The following DBN1 variants were observed in gnomAD, a reference collection of about 807,000 sequenced individuals.
DBN1 encodes the protein drebrin.
A neutral mutation model predicts 83.5 loss-of-function variants in DBN1; 21 were observed. The observed-to-expected ratio is 0.25, with a 90% CI of 0.18 to 0.36. The LOEUF (loss-of-function observed/expected upper bound fraction) is 0.36. Among genes scored for constraint, DBN1 ranks in the 10% least tolerant of loss-of-function variants. The pLI, the probability that DBN1 is intolerant of heterozygous loss-of-function variation, is 1.00. For missense variants in DBN1, 874 were observed against 935.7 expected (o/e 0.93, Z 0.86); for synonymous variants, 381 against 384.9 (o/e 0.99, Z 0.12).
chr5:177,467,509 A>T lies in DBN1; in HGVS notation c.449T>A (p.Leu150Gln). The T allele has an allele frequency of 6.3e-7, 1 of 1,576,496 alleles. No homozygotes were observed. Among genetic ancestry groups the T allele is most frequent in the South Asian group, 1.1e-5 (1 of 88,080 alleles). Residue 150 changes from leucine to glutamine, a missense_variant, in exon 5 of 15, where the codon CTG becomes CAG. Around this residue, in one of 4 missense-constraint regions of DBN1, gnomAD observed 65 missense variants for 97.3 expected, o/e 0.67. Coordinates refer to ENST00000393565, the MANE Select transcript of DBN1 (RefSeq NM_001363541.2). This position sits in a 1 kb window ranked among gnomAD's most constrained non-coding sequence, Gnocchi z 9.1. ...LSSPVLHRLR[L>Q]REDENAEPVG... is the part of the protein sequence containing the mutation. ...GGGCTCTGCGTTCTCATCCTCTCGC[A>T]GCCGCAGTCGGTGCAGCACAGGGCT...
At chr5:177,465,742 C>T (rs1757400745) in intron 8 of DBN1, among the ~76,000 whole-genome samples, 1 of 151,658 alleles carries the variant, frequency 6.6e-6, no homozygotes, top group Non-Finnish European at 1.5e-5. Context: ...GTAATCCCAG[C>T]TACTCAGGAG....
chr5:177,472,079 C>T, intron 1 of DBN1: 1 of 1,587,196 alleles, frequency 6.3e-7, no homozygotes, highest in South Asian at 1.1e-5. Flanking sequence ...GGGTGGGCCG[C>T]CTGCCTGCTG....
At chr5:177,461,731 C>A (rs529972279) in intron 8 of DBN1, among the ~76,000 whole-genome samples, 17 of 152,280 alleles carry the variant, frequency 1.1e-4, no homozygotes, top group Admixed American at 5.9e-4. Flanking sequence ...CTCACTGCTA[C>A]CTGCCTTATT....
chr5:177,462,201 TGCCG>T (rs1757099195), intron 8 of DBN1: 1 of 794,476 alleles, frequency 1.3e-6, no homozygotes, highest in Non-Finnish European at 1.5e-6. Context: ...CACCACCCCC[TGCCG>T]GCCCCCACCC....
In DBN1 at chr5:177,467,815, C is replaced by A; in HGVS notation, c.258G>T (p.Val86=). 1 of 1,563,500 alleles carries A rather than the reference C, an allele frequency of 6.4e-7. No individual in the cohort carries two copies. Among genetic ancestry groups the A allele is most frequent in the Non-Finnish European group, 8.7e-7 (1 of 1,154,280 alleles). The part of the protein sequence containing the change: ...ALPKYVLINW[V]GEDVPDARKC... ...TGCGGGCATCAGGCACATCTTCGCC[C>A]ACCTGCAAAGTACCCAGCAAAGAGG... The change falls in exon 4 of 15, where the codon GTG becomes GTT. Residue 86 remains valine, a splice_region_variant and synonymous_variant. Coordinates refer to ENST00000393565, the MANE Select transcript of DBN1 (RefSeq NM_001363541.2). This position sits in a 1 kb window ranked among gnomAD's most constrained non-coding sequence, Gnocchi z 9.1.
At chr5:177,459,344 G>A in intron 11 of DBN1, 76 bp from the exon 12 acceptor site, 1 of 1,550,552 alleles carries the variant, frequency 6.4e-7, no homozygotes, top group Non-Finnish European at 8.6e-7. Context: ...TTGGGGCCTG[G>A]CCAGCACCTC....
At chr5:177,472,800 C>A in intron 1 of DBN1, 1 of 986,456 alleles carries the variant, frequency 1.0e-6, no homozygotes. Flanking sequence ...CGACCCGCGG[C>A]GGTAAGGGAG....
At chr5:177,463,065 CAG>C (rs751128337) in intron 8 of DBN1, among the ~76,000 whole-genome samples, 2 of 151,794 alleles carry the variant, frequency 1.3e-5, no homozygotes, top group Admixed American at 6.6e-5. Flanking sequence ...TAATCTGAGA[CAG>C]AGTCTTTCAC....
rs371705857 is a variant in DBN1, at chr5:177,467,078, C to A, written c.556-16G>T. 5.6e-6 allele frequency: 9 copies of A among 1,613,540 alleles called. 1 individual carries two copies. The South Asian group carries it at 8.8e-5, about 16-fold the overall frequency. On this transcript the variant is annotated splice_polypyrimidine_tract_variant and intron_variant, in intron 6 of 14. Coordinates refer to ENST00000393565, the MANE Select transcript of DBN1 (RefSeq NM_001363541.2). The surrounding 1 kb of genome is among the most constrained non-coding windows in gnomAD (Gnocchi z 9.1). ...CTTCTTCCTTCTGCAAGCCCCGGTGCGAACAAGGGTAGGCCCCGAGCCTAG... is the reference window on the plus strand; with the variant it reads ...CTTCTTCCTTCTGCAAGCCCCGGTGAGAACAAGGGTAGGCCCCGAGCCTAG...
At chr5:177,463,195 C>T (rs1044285275) in intron 8 of DBN1, among the ~76,000 whole-genome samples, 3 of 152,186 alleles carry the variant, frequency 2.0e-5, no homozygotes, top group Non-Finnish European at 2.9e-5. Flanking sequence ...CGCCACCACG[C>T]TCGGCTAATT....
At chr5:177,472,307 T>G in intron 1 of DBN1, 1 of 1,553,306 alleles carries the variant, frequency 6.4e-7, no homozygotes, top group Admixed American at 2.1e-5. Context: ...CCCTCAGACC[T>G]GCCCTCCTCT....
At chr5:177,458,869 C>T (rs904374842) in intron 12 of DBN1, among the ~76,000 whole-genome samples, 162 bp from the exon 13 acceptor site, 1 of 152,184 alleles carries the variant, frequency 6.6e-6, no homozygotes, top group Non-Finnish European at 1.5e-5. Flanking sequence ...TTGGCAGCTC[C>T]GGGAGGAAGG....
intron 1 of DBN1, 125 bp from the exon 2 acceptor site, chr5:177,469,024 G>T: frequency 2.7e-5 from 14 of 523,314 alleles, no homozygotes; most frequent in Middle Eastern, 3.8e-4. Flanking sequence ...GGCTCCTGCT[G>T]TAGCCATGAC....
In DBN1 at chr5:177,458,129, GCTC is replaced by G. The variant is rs759988717; in HGVS notation, c.1840_1842del (p.Glu614del). Reference sequence around the variant, plus strand: ...GGCTCCGGCTCCTGCTCTTGCTCCAGCTCCTCAAGGGCTGAGGGCAGAGTTGGG... The same window carrying G: ...GGCTCCGGCTCCTGCTCTTGCTCCAGCTCAAGGGCTGAGGGCAGAGTTGGG... On this transcript the variant is annotated inframe_deletion, in exon 13 of 15. Transcript: ENST00000393565. 10 of 1,613,632 alleles carry G rather than the reference GCTC, an allele frequency of 6.2e-6. No individual in the cohort carries two copies. Among genetic ancestry groups the G allele is most frequent in the South Asian group, 1.1e-5 (1 of 91,082 alleles).
In DBN1 at chr5:177,468,353, G is replaced by C. The variant is rs191971237; in HGVS notation, c.143-133C>G. The C allele has an allele frequency of 2.5e-3, 1,805 of 720,216 alleles. 50 individuals are homozygous for C. In the Admixed American group the frequency reaches 0.04, roughly 16 times the overall value. The allele number at this position is 720,216 out of a possible 1,614,324, so 44.6% of individuals were successfully genotyped here. Reference sequence around the variant, plus strand: ...GGGTCTTCTGGCCTCTGGGGTCTGTGGGTCCCAGTTTTGTGTTGGTATGTG... The same window carrying C: ...GGGTCTTCTGGCCTCTGGGGTCTGTCGGTCCCAGTTTTGTGTTGGTATGTG... On this transcript the variant is annotated intron_variant, in intron 2 of 14. Transcript: ENST00000393565.
At position 177,457,756 on chromosome 5, in the gene DBN1, G is replaced by A; in HGVS notation, c.1916C>T (p.Ala639Val). The change falls in exon 14 of 15, where the codon GCC (alanine) becomes GTC (valine). Residue 639 changes from alanine to valine, a missense_variant and splice_region_variant. Physicochemically the swap from Ala to Val is moderately conservative, Grantham distance 64. Coordinates refer to ENST00000393565, the MANE Select transcript of DBN1 (RefSeq NM_001363541.2). ...GETTQKEGTQ[A>V]SEGYFSQSQE... ...TGATTGACTGAAGTACCCCTCACTG[G>A]CCTGCAGGGGAAAGCATCAGGTCAC... is the stretch of plus-strand genomic sequence containing the variant. The A allele has an allele frequency of 6.3e-7, 1 of 1,598,146 alleles. No individual in the cohort carries two copies. Among genetic ancestry groups the A allele is most frequent in the Non-Finnish European group, 8.6e-7 (1 of 1,166,068 alleles).
chr5:177,473,627 A>C lies in DBN1; in HGVS notation c.-106T>G. On this transcript the variant is annotated 5_prime_UTR_variant, in exon 1 of 15. Transcript: ENST00000393565. Reference sequence around the variant, plus strand: ...GCCGCCGCCGCCTCGGAGCCTCTGCAGCGTCGCGAGCCGAGCGAGCCAGCG... The same window carrying C: ...GCCGCCGCCGCCTCGGAGCCTCTGCCGCGTCGCGAGCCGAGCGAGCCAGCG... 1 of 334,286 alleles carries C rather than the reference A, an allele frequency of 3.0e-6. No individual in the cohort carries two copies. The allele number at this position is 334,286 out of a possible 1,614,324, so 20.7% of individuals were successfully genotyped here.
At chr5:177,468,242 C>T in intron 2 of DBN1, 22 bp from the exon 3 acceptor site, 1 of 1,599,814 alleles carries the variant, frequency 6.3e-7, no homozygotes, top group South Asian at 1.1e-5. Flanking sequence ...AGGAGAGTGT[C>T]AGGTCTCTCT....
In DBN1 at chr5:177,467,948, G is replaced by A. The variant is rs910516278; in HGVS notation, c.256-131C>T. On this transcript the variant is annotated intron_variant, in intron 3 of 14. Transcript: ENST00000393565. The surrounding 1 kb of genome is among the most constrained non-coding windows in gnomAD (Gnocchi z 9.1). ...GGGTGTCAGAGGGCCGACGGGGAGG[G>A]CGACTGCTCTGGGCCTTCAGTTCCC... is the stretch of plus-strand genomic sequence containing the variant. 2.9e-6 allele frequency: 4 copies of A among 1,366,700 alleles called. No individual in the cohort carries two copies. The highest frequency in any genetic ancestry group is 4.1e-6 in the Non-Finnish European group (4 of 967,054). 84.7% of individuals were successfully genotyped at this position (1,366,700 alleles called of 1,614,324 possible).
Sources: allele counts gnomAD v4.1 joint callset (sites outside exome capture counted in the v4.1 genomes callset), GRCh38; gene constraint gnomAD v4.1.1; regional missense constraint gnomAD v4.1.1; non-coding constraint Gnocchi (gnomAD v3.1); transcripts MANE v1.5; gene names NCBI Gene and HGNC (gene_info 2026-07-23, HGNC 2026-07-21).